DNAH14: variants seen among roughly 807,000 people sequenced by gnomAD.
DNAH14 encodes the protein dynein axonemal heavy chain 14.
In DNAH14, 478 loss-of-function variants were observed where a neutral mutation model predicts 520.9. That is an observed-to-expected ratio of 0.92 (90% CI 0.85 to 0.99). DNAH14 has a LOEUF of 0.99. Among genes scored for constraint, DNAH14 ranks in the 50% least tolerant of loss-of-function variants. The probability of loss-of-function intolerance (pLI) is 0.00; values close to 1 mark genes in which losing one functional copy is unlikely to be tolerated. For synonymous variants in DNAH14, 1,581 were observed against 1,757.2 expected, an observed-to-expected ratio of 0.90 and a Z score of 2.51; for missense variants, 4,831 against 5,234.5, an observed-to-expected ratio of 0.92 and a Z score of 2.38.
intron 55 of DNAH14, among the ~76,000 whole-genome samples, chr1:225,293,056 C>A (rs140919214): frequency 2.0e-5 from 3 of 151,818 alleles, no homozygotes; most frequent in Non-Finnish European, 4.4e-5. Flanking sequence ...ATGTAGCCAA[C>A]AATTATATGT....
intron 23 of DNAH14, among the ~76,000 whole-genome samples, chr1:225,101,462 G>A (rs1470885350): frequency 6.6e-6 from 1 of 151,974 alleles, no homozygotes; most frequent in Non-Finnish European, 1.5e-5. Context: ...TATTCATTCT[G>A]TTTTTTGTAC....
intron 15 of DNAH14, among the ~76,000 whole-genome samples, chr1:225,048,332 C>A (rs1401566661): frequency 6.6e-6 from 1 of 152,018 alleles, no homozygotes; most frequent in Non-Finnish European, 1.5e-5. Context: ...GAAACCCTGT[C>A]TCTACAAAAT....
intron 61 of DNAH14, 120 bp from the exon 62 acceptor site, chr1:225,322,543 CA>C (rs1264456805): frequency 1.1e-5 from 11 of 977,540 alleles, no homozygotes. Context: ...TATATGTTGA[CA>C]AATAGTTTTC....
At chr1:224,962,220 A>G (rs184776040) in intron 4 of DNAH14, among the ~76,000 whole-genome samples, 2 of 152,284 alleles carry the variant, frequency 1.3e-5, no homozygotes, top group African/African-American at 2.4e-5. Flanking sequence ...TGGAAGCAGA[A>G]CCTGTGAATA....
At chr1:225,137,160 G>A (rs940944953) in intron 27 of DNAH14, among the ~76,000 whole-genome samples, 1 of 152,128 alleles carries the variant, frequency 6.6e-6, no homozygotes, top group African/African-American at 2.4e-5. Flanking sequence ...GCCAATTCAT[G>A]TATCTCAGCC....
chr1:225,185,946 G>GTTTTTTT (rs11443248), intron 37 of DNAH14, among the ~76,000 whole-genome samples: 16 of 98,722 alleles, frequency 1.6e-4, no homozygotes, highest in East Asian at 6.1e-4. Context: ...ATTACACTTT[G>GTTTTTTT]TTTTTTTTTT....
rs1336283154 is a variant in DNAH14 at position 225,269,459 on chromosome 1, A to G, written c.7540-1276A>G. Among the ~76,000 whole-genome samples the G allele has an allele frequency of 2.0e-5, 3 of 152,348 alleles. No homozygotes were observed. The East Asian group carries it at 5.8e-4, about 29-fold the overall frequency. On this transcript the variant is annotated intron_variant, in intron 49 of 85. Transcript: ENST00000682510. ...CTAAAACACCAAAAGCAATGGCAAC[A>G]AAAGCCAAAATTGACAAATGGGATC...
rs899940366 is a variant in DNAH14 at position 225,061,864 on chromosome 1, T to C, written c.2424+10069T>C. 3.3e-5 allele frequency among the ~76,000 whole-genome samples: 5 copies of C among 152,184 alleles called. No homozygotes were observed. In the South Asian group the frequency reaches 1.0e-3, roughly 32 times the overall value. On this transcript the variant is annotated intron_variant, in intron 17 of 85. Transcript: ENST00000682510. ...GTTCATCTTCATCCATTTAGCTATA[T>C]AGACAGGAATGAGAATGTAATGTTT... is the stretch of plus-strand genomic sequence containing the variant.
At chr1:225,374,268 A>ATTTTTTTTT (rs1251520339) in intron 77 of DNAH14, among the ~76,000 whole-genome samples, 1 of 49,850 alleles carries the variant, frequency 2.0e-5, no homozygotes, top group Non-Finnish European at 4.0e-5. Context: ...ATATATATAT[A>ATTTTTTTTT]TATTTTTTTT....
intron 17 of DNAH14, among the ~76,000 whole-genome samples, chr1:225,058,141 C>G (rs1276668556): frequency 6.6e-6 from 1 of 152,170 alleles, no homozygotes; most frequent in African/African-American, 2.4e-5. Flanking sequence ...TAGAATTCGG[C>G]TGTGAAACCA....
chr1:225,097,147 G>T lies in DNAH14; in HGVS notation c.3603G>T (p.Leu1201Phe), dbSNP rs1290787945. ...TTGTGAATGAATGGGATCAAAACTTGACTCTCTTCTCTTACACCCTTGAGG... is the reference window on the plus strand; with the variant it reads ...TTGTGAATGAATGGGATCAAAACTTTACTCTCTTCTCTTACACCCTTGAGG... ...KDLVNEWDQN[L>F]TLFSYTLEEW... is the part of the protein sequence containing the mutation. Residue 1201 changes from leucine (L) to phenylalanine (F), a missense_variant, in exon 22 of 86, where the codon TTG (leucine) becomes TTT (phenylalanine). Physicochemically the swap from Leu to Phe is conservative, Grantham distance 22. Coordinates refer to ENST00000682510, the MANE Select transcript of DNAH14 (RefSeq NM_001367479.1). The T allele has an allele frequency of 6.5e-7, 1 of 1,549,800 alleles. No individual in the cohort carries two copies. The highest frequency in any genetic ancestry group is 2.0e-5 in the Admixed American group (1 of 50,932).
chr1:225,097,304 A>G lies in DNAH14; in HGVS notation c.3695+65A>G, dbSNP rs60266138. On this transcript the variant is annotated intron_variant, in intron 22 of 85. Transcript: ENST00000682510. Reference sequence around the variant, plus strand: ...CATTGTGAGTAATTTATTTTCTTTAATTCTTGAGAAATCATTTCTTCAATG... The same window carrying G: ...CATTGTGAGTAATTTATTTTCTTTAGTTCTTGAGAAATCATTTCTTCAATG... 10,843 of 1,401,450 alleles carry G rather than the reference A, an allele frequency of 7.7e-3. 296 individuals carry two copies. The African/African-American group carries it at 0.082, about 11-fold the overall frequency. 86.8% of individuals were successfully genotyped at this position (1,401,450 alleles called of 1,614,324 possible). A position where few individuals can be genotyped will look rare whatever the true frequency, so the allele number is the denominator to read the frequency against.
At chr1:225,028,702 G>A (rs2066314603) in intron 11 of DNAH14, among the ~76,000 whole-genome samples, 1 of 152,000 alleles carries the variant, frequency 6.6e-6, no homozygotes, top group Non-Finnish European at 1.5e-5. Flanking sequence ...TTTTAAAGAT[G>A]CTATAAATCA....
intron 81 of DNAH14, among the ~76,000 whole-genome samples, chr1:225,386,207 T>C (rs2150793104): frequency 6.6e-6 from 1 of 152,330 alleles, no homozygotes; most frequent in African/African-American, 2.4e-5. Flanking sequence ...ATCCCTTCCT[T>C]ACACCTGGTA....
At chr1:224,980,608 TTG>T (rs2062194451) in intron 8 of DNAH14, among the ~76,000 whole-genome samples, 1 of 152,186 alleles carries the variant, frequency 6.6e-6, no homozygotes, top group East Asian at 1.9e-4. Context: ...CACCTGCTGA[TTG>T]TGGAGCCCTA....
At chr1:225,325,977 A>G (rs1211169298) in intron 64 of DNAH14, among the ~76,000 whole-genome samples, 1 of 152,202 alleles carries the variant, frequency 6.6e-6, no homozygotes, top group Non-Finnish European at 1.5e-5. Flanking sequence ...TATTTTTGAA[A>G]GAAAAAAACA....
At chr1:225,125,783 T>TG (rs1361898363) in intron 27 of DNAH14, among the ~76,000 whole-genome samples, 1 of 152,216 alleles carries the variant, frequency 6.6e-6, no homozygotes, top group Non-Finnish European at 1.5e-5. Flanking sequence ...CTTGACTGTT[T>TG]GGCAGAAGAG....
intron 1 of DNAH14, among the ~76,000 whole-genome samples, chr1:224,942,269 A>G (rs1239097430): frequency 6.6e-6 from 1 of 152,188 alleles, no homozygotes; most frequent in Non-Finnish European, 1.5e-5. Context: ...TCTTTGAAGC[A>G]ATTGTGAATG....
At chr1:225,339,518 C>G (rs79384878) in intron 68 of DNAH14, among the ~76,000 whole-genome samples, 5,979 of 152,264 alleles carry the variant, frequency 0.039, 176 homozygotes, top group Middle Eastern at 0.075. Context: ...ATAGACTACA[C>G]TTTGGAAAAC....
Sources: gnomAD v4.1 joint callset for allele counts (sites outside exome capture counted in the v4.1 genomes callset) on GRCh38, gnomAD v4.1.1 for gene constraint, MANE v1.5 for transcripts, NCBI Gene and HGNC (gene_info 2026-07-23, HGNC 2026-07-21) for gene names.